The following UNC80 variants were observed in gnomAD, a reference collection of about 807,000 sequenced individuals.
The protein encoded by UNC80 is protein unc-80 homolog.
Under a neutral mutation model 384.6 loss-of-function variants are expected in UNC80, and 164 were observed. The observed-to-expected ratio is 0.43, with a 90% CI of 0.38 to 0.49. The LOEUF is 0.49. Ranked by LOEUF, UNC80 falls within the 20% of genes least tolerant of loss-of-function variation. The pLI, the probability that UNC80 is intolerant of heterozygous loss-of-function variation, is 0.00. For missense variants in UNC80, 3,330 were observed against 4,143.0 expected, an observed-to-expected ratio of 0.80 and a Z score of 5.39; for synonymous variants, 1,486 against 1,527.8, an observed-to-expected ratio of 0.97 and a Z score of 0.64.
chr2:209,967,715 A>C, intron 52 of UNC80, 78 bp downstream of exon 52: 3 of 1,433,498 alleles, frequency 2.1e-6, no homozygotes, highest in Non-Finnish European at 2.9e-6. Flanking sequence ...ATGGTGGATC[A>C]TTCTGGAGTT....
At chr2:209,921,107 C>T (rs561125619) in intron 33 of UNC80, among the ~76,000 whole-genome samples, 14 of 152,270 alleles carry the variant, frequency 9.2e-5, no homozygotes, top group African/African-American at 2.6e-4. Context: ...GGATTACAGA[C>T]GTGAGCCACC....
Position 209,819,012 on chromosome 2 carries a change from C to A in UNC80, c.1713C>A (p.Thr571=), listed in dbSNP as rs899080631. The change falls in exon 12 of 65, where the codon ACC becomes ACA. Residue 571 remains threonine (T), a synonymous_variant. Transcript: ENST00000673920. ...TVKEVRSQIS[T]ITVATFNTTL... The stretch of plus-strand genomic sequence containing the variant: ...TATTAGTGCGATCTCAGATCTCCAC[C>A]ATCACAGTTGCGACCTTCAATACCA... 4 of 1,551,518 alleles carry A rather than the reference C, an allele frequency of 2.6e-6. No individual in the cohort carries two copies. The highest frequency in any genetic ancestry group is 3.5e-6 in the Non-Finnish European group (4 of 1,146,892).
chr2:209,884,976 A>G (rs575081176), intron 25 of UNC80, among the ~76,000 whole-genome samples: 2 of 152,206 alleles, frequency 1.3e-5, no homozygotes, highest in East Asian at 3.9e-4. Context: ...AGGGGTTGAC[A>G]GGTGCAGCAG....
intron 23 of UNC80, among the ~76,000 whole-genome samples, chr2:209,875,391 C>A (rs191184068): frequency 6.6e-6 from 1 of 152,044 alleles, no homozygotes; most frequent in Non-Finnish European, 1.5e-5. Flanking sequence ...AGCTAATGTA[C>A]CTAAAGAATA....
chr2:209,925,411 G>A (rs920601597), intron 35 of UNC80, among the ~76,000 whole-genome samples: 7 of 152,208 alleles, frequency 4.6e-5, no homozygotes, highest in South Asian at 2.1e-4. Context: ...AGGTAATGCG[G>A]ACCCAAAGAG....
intron 61 of UNC80, among the ~76,000 whole-genome samples, chr2:209,985,884 A>G (rs1372464720): frequency 6.6e-6 from 1 of 152,168 alleles, no homozygotes; most frequent in African/African-American, 2.4e-5. Context: ...TTTTCTTTGC[A>G]TCTTGTTCAG....
chr2:209,969,927 A>G (rs878903958), intron 53 of UNC80, 36 bp downstream of exon 53: 3 of 1,550,044 alleles, frequency 1.9e-6, no homozygotes, highest in African/African-American at 1.4e-5. Flanking sequence ...GAAACTTTGC[A>G]CAATGTAACT....
chr2:209,859,808 G>A (rs1227238393), intron 22 of UNC80, among the ~76,000 whole-genome samples: 1 of 151,976 alleles, frequency 6.6e-6, no homozygotes, highest in South Asian at 2.1e-4. Context: ...TTTCATGTTT[G>A]TTGGCTGCAT....
At chr2:209,891,003 A>G (rs1030974923) in intron 26 of UNC80, among the ~76,000 whole-genome samples, 1 of 152,056 alleles carries the variant, frequency 6.6e-6, no homozygotes, top group Non-Finnish European at 1.5e-5. Context: ...TTAAAAGAAC[A>G]TCTGCACATT....
chr2:209,824,922 T>C (rs952356565), intron 13 of UNC80, among the ~76,000 whole-genome samples: 1 of 152,178 alleles, frequency 6.6e-6, no homozygotes, highest in African/African-American at 2.4e-5. Context: ...ACAATTCTCA[T>C]CCATTATTTA....
chr2:209,995,911 C>A lies in UNC80; in HGVS notation c.*316C>A. On this transcript the variant is annotated 3_prime_UTR_variant, in exon 65 of 65. Coordinates refer to ENST00000673920, the MANE Select transcript of UNC80 (RefSeq NM_001371986.1). The stretch of plus-strand genomic sequence containing the variant: ...TAAAAATATATACTATTCATTGCTG[C>A]TTTCATAGAAATATTAACAAATGAT... 4.9e-6 allele frequency: 1 copy of A among 205,268 alleles called. No individual in the cohort carries two copies. The highest frequency in any genetic ancestry group is 1.0e-4 in the South Asian group (1 of 9,730). The allele number at this position is 205,268 out of a possible 1,614,324, so 12.7% of individuals were successfully genotyped here.
intron 47 of UNC80, among the ~76,000 whole-genome samples, chr2:209,947,117 C>T (rs2091949664): frequency 6.6e-6 from 1 of 152,122 alleles, no homozygotes; most frequent in Non-Finnish European, 1.5e-5. Flanking sequence ...GGATTTCCTA[C>T]TCCCATTTTC....
chr2:209,840,437 C>A, intron 19 of UNC80, 105 bp from the exon 20 acceptor site: 3 of 921,700 alleles, frequency 3.3e-6, no homozygotes, highest in South Asian at 1.6e-5. Flanking sequence ...CTATTTATAC[C>A]AAGCCATGTA....
chr2:209,991,225 A>G (rs546006386), intron 61 of UNC80, among the ~76,000 whole-genome samples: 4 of 152,330 alleles, frequency 2.6e-5, no homozygotes, highest in African/African-American at 9.6e-5. Context: ...TGCAAAGGCA[A>G]AGCAGAAATT....
Position 209,816,928 on chromosome 2 carries a change from A to C in UNC80, c.1355A>C (p.Asp452Ala). Reference sequence around the variant, plus strand: ...CTGTAGTTCAAGAGCCGCAAAGAAGACCGAGAGAGGAAAGGCTCCATTCCA... The same window carrying C: ...CTGTAGTTCAAGAGCCGCAAAGAAGCCCGAGAGAGGAAAGGCTCCATTCCA... Reference protein sequence around the residue: ...IFKKFKSRKEDRERKGSIPFH... With the variant: ...IFKKFKSRKEARERKGSIPFH... Residue 452 changes from aspartate to alanine, a missense_variant, in exon 10 of 65, where the codon GAC becomes GCC. Asp to Ala is a moderately radical substitution (Grantham distance 126). Transcript: ENST00000673920. 6.4e-7 allele frequency: 1 copy of C among 1,551,690 alleles called. No homozygotes were observed.
chr2:209,831,232 G>C (rs145556504), intron 15 of UNC80, among the ~76,000 whole-genome samples: 24 of 151,820 alleles, frequency 1.6e-4, no homozygotes, highest in Non-Finnish European at 2.4e-4. Flanking sequence ...AAATGCAATT[G>C]GTTTTATCAC....
At chr2:209,801,246 G>A (rs1435612169) in intron 7 of UNC80, among the ~76,000 whole-genome samples, 1 of 151,986 alleles carries the variant, frequency 6.6e-6, no homozygotes, top group Non-Finnish European at 1.5e-5. Flanking sequence ...CCTGTATTGG[G>A]TACATATATA....
In UNC80 at chr2:209,904,975, T is replaced by A. The variant is rs889655978; in HGVS notation, c.4782+10T>A. On this transcript the variant is annotated intron_variant, in intron 29 of 64. Coordinates refer to ENST00000673920, the MANE Select transcript of UNC80 (RefSeq NM_001371986.1). ...CAAGAAACAGAAAGAAGTAAGTAAA[T>A]GACCATTGAATGATATTCTAATACT... is the stretch of plus-strand genomic sequence containing the variant. The A allele has an allele frequency of 1.3e-6, 2 of 1,551,216 alleles. No homozygotes were observed. The highest frequency in any genetic ancestry group is 2.7e-5 in the African/African-American group (2 of 73,040).
intron 13 of UNC80, 135 bp from the exon 14 acceptor site, chr2:209,825,772 A>G (rs2080472663): frequency 1.3e-6 from 1 of 766,558 alleles, no homozygotes; most frequent in Admixed American, 3.8e-5. Flanking sequence ...AGCCCGTTAC[A>G]ATTCTGTTTT....
Sources: allele counts gnomAD v4.1 joint callset (sites outside exome capture counted in the v4.1 genomes callset), GRCh38; gene constraint gnomAD v4.1.1; transcripts MANE v1.5; gene names NCBI Gene and HGNC (gene_info 2026-07-23, HGNC 2026-07-21).